The following ROBO2 variants were observed in gnomAD, a reference collection of about 807,000 sequenced individuals.
ROBO2 encodes roundabout homolog 2.
A neutral mutation model predicts 160.8 loss-of-function variants in ROBO2; 53 were observed. That is an observed-to-expected ratio of 0.33 (90% CI 0.26 to 0.41). ROBO2 has a LOEUF of 0.41. Ranked by LOEUF, ROBO2 falls within the 10% of genes least tolerant of loss-of-function variation. ROBO2 has a pLI of 1.00. For missense variants in ROBO2, 1,577 were observed against 1,722.4 expected (o/e 0.92, Z 1.49); for synonymous variants, 664 against 611.7 (o/e 1.09, Z -1.26).
intron 2 of ROBO2, among the ~76,000 whole-genome samples, chr3:77,219,846 A>C (rs1000067304): frequency 1.3e-5 from 2 of 151,618 alleles, no homozygotes; most frequent in African/African-American, 4.9e-5. Flanking sequence ...GAAATTACAT[A>C]ATCTTAAAAA....
At chr3:77,445,784 G>GT (rs66551785) in intron 2 of ROBO2, among the ~76,000 whole-genome samples, 173 of 107,744 alleles carry the variant, frequency 1.6e-3, no homozygotes, top group Middle Eastern at 5.9e-3. Flanking sequence ...CAATTAAAAG[G>GT]TTTTTTTTTG....
intron 2 of ROBO2, among the ~76,000 whole-genome samples, chr3:76,530,006 G>A (rs1361320975): frequency 1.3e-5 from 2 of 152,040 alleles, no homozygotes; most frequent in African/African-American, 4.8e-5. Flanking sequence ...CTTCTATTCT[G>A]TGTCCTTTTA....
At position 75,951,162 on chromosome 3, in the gene ROBO2, G is replaced by A. The variant is rs189608346; in HGVS notation, c.109+13560G>A. ...TCCCCAATTTATCCCCCCTGTATGC[G>A]TGTATCAAAACATCACATGTGACCA... On this transcript the variant is annotated intron_variant, in intron 2 of 26. Coordinates refer to the ROBO2 transcript ENST00000487694. Among the ~76,000 whole-genome samples the A allele has an allele frequency of 1.2e-4, 18 of 151,956 alleles. No homozygotes were observed. The East Asian group carries it at 1.9e-3, about 16-fold the overall frequency.
chr3:76,949,003 G>A (rs1462414300), intron 2 of ROBO2, among the ~76,000 whole-genome samples: 56 of 143,628 alleles, frequency 3.9e-4, no homozygotes, highest in African/African-American at 1.4e-3. Flanking sequence ...CACCCGCCTC[G>A]GCCTCCCAAA....
chr3:76,907,823 GGTGTGTGTGTGTGTGTGTGT>G (rs71104638), intron 2 of ROBO2, among the ~76,000 whole-genome samples: 1 of 145,430 alleles, frequency 6.9e-6, no homozygotes, highest in Admixed American at 6.8e-5. Flanking sequence ...GTTTGTTTGG[GGTGTGTGTGTGTGTGTGTGT>G]GTGTGTGTGT....
At position 77,219,809 on chromosome 3, in the gene ROBO2, C is replaced by T. The variant is rs535348897; in HGVS notation, c.388+121469C>T. 5.3e-5 allele frequency among the ~76,000 whole-genome samples: 8 copies of T among 151,616 alleles called. 1 individual carries two copies. The South Asian group carries it at 1.7e-3, about 32-fold the overall frequency. On this transcript the variant is annotated intron_variant, in intron 2 of 25. Transcript: ENST00000461745. Reference sequence around the variant, plus strand: ...AATTTCAGTCCATATCAAAAATCCACATTGTGTAGAAAATTTGTAGATCTT... The same window carrying T: ...AATTTCAGTCCATATCAAAAATCCATATTGTGTAGAAAATTTGTAGATCTT...
chr3:76,330,508 GA>G (rs2073401027), intron 2 of ROBO2, among the ~76,000 whole-genome samples: 1 of 152,084 alleles, frequency 6.6e-6, no homozygotes, highest in Non-Finnish European at 1.5e-5. Flanking sequence ...AAGTGGTAAG[GA>G]ATTTTTCCCC....
At chr3:76,779,437 T>C (rs1315999286) in intron 2 of ROBO2, among the ~76,000 whole-genome samples, 1 of 150,880 alleles carries the variant, frequency 6.6e-6, no homozygotes, top group East Asian at 2.0e-4. Context: ...ACTGTGCTAG[T>C]AGTAGATCTC....
intron 2 of ROBO2, among the ~76,000 whole-genome samples, chr3:76,354,190 G>C (rs916798191): frequency 6.6e-6 from 1 of 151,890 alleles, no homozygotes; most frequent in Non-Finnish European, 1.5e-5. Context: ...GACAAAAACT[G>C]AGCAGTTCAT....
At position 77,070,148 on chromosome 3, in the gene ROBO2, A is replaced by G. The variant is rs140342000; in HGVS notation, c.62-27866A>G. Among the ~76,000 whole-genome samples, 30 of 152,250 alleles carry G rather than the reference A, an allele frequency of 2.0e-4. No homozygotes were observed. The East Asian group carries it at 5.6e-3, about 29-fold the overall frequency. Reference sequence around the variant, plus strand: ...AGCCCCCAGAAGCTGGGAGGAGTGGATGGAAGAGATTCTTCCTCCTGTTCA... The same window carrying G: ...AGCCCCCAGAAGCTGGGAGGAGTGGGTGGAAGAGATTCTTCCTCCTGTTCA... On this transcript the variant is annotated intron_variant, in intron 1 of 25. Transcript: ENST00000461745.
chr3:77,076,213 A>G (rs1359073953), intron 1 of ROBO2, among the ~76,000 whole-genome samples: 2 of 152,128 alleles, frequency 1.3e-5, no homozygotes. Context: ...TAAAGTATAT[A>G]AATTCTGTAT....
intron 2 of ROBO2, among the ~76,000 whole-genome samples, chr3:76,543,601 G>A (rs538229315): frequency 2.1e-4 from 32 of 152,184 alleles, no homozygotes; most frequent in South Asian, 6.2e-4. Context: ...TATAACTGCG[G>A]CAAATTATTT....
chr3:76,224,877 A>C (rs972376500), intron 2 of ROBO2, among the ~76,000 whole-genome samples: 3 of 152,114 alleles, frequency 2.0e-5, no homozygotes, highest in South Asian at 2.1e-4. Context: ...GCACAATCTC[A>C]TTTCCCCCTT....
intron 1 of ROBO2, among the ~76,000 whole-genome samples, chr3:75,913,143 A>G (rs1946668739): frequency 6.6e-6 from 1 of 151,864 alleles, no homozygotes; most frequent in Non-Finnish European, 1.5e-5. Flanking sequence ...TCTTTTACCC[A>G]TTCCTCCATT....
intron 2 of ROBO2, among the ~76,000 whole-genome samples, chr3:77,231,390 C>A (rs1308137668): frequency 1.9e-4 from 26 of 136,038 alleles, no homozygotes; most frequent in South Asian, 2.4e-4. Flanking sequence ...AAAAAAGACA[C>A]TAAGCTAAAA....
chr3:76,600,326 T>C (rs778616879), intron 2 of ROBO2, among the ~76,000 whole-genome samples: 5 of 152,218 alleles, frequency 3.3e-5, no homozygotes, highest in African/African-American at 4.8e-5. Flanking sequence ...GAATAACAGA[T>C]TTTTTTAAAC....
intron 2 of ROBO2, among the ~76,000 whole-genome samples, chr3:76,070,583 G>C (rs553302292): frequency 6.6e-6 from 1 of 152,230 alleles, no homozygotes; most frequent in East Asian, 1.9e-4. Flanking sequence ...CATTTGCCTT[G>C]TGATATTCTA....
intron 2 of ROBO2, among the ~76,000 whole-genome samples, chr3:76,742,297 A>G (rs1560480580): frequency 1.3e-5 from 2 of 152,170 alleles, no homozygotes; most frequent in Non-Finnish European, 2.9e-5. Flanking sequence ...CAATGATTAA[A>G]TCTCTGTCAG....
intron 16 of ROBO2, among the ~76,000 whole-genome samples, chr3:77,581,492 T>G (rs1176959256): frequency 6.6e-6 from 1 of 152,114 alleles, no homozygotes; most frequent in Non-Finnish European, 1.5e-5. Context: ...GGAATGAGGC[T>G]TATTTATTTC....
Sources: gnomAD v4.1 joint callset for allele counts (sites outside exome capture counted in the v4.1 genomes callset) on GRCh38, gnomAD v4.1.1 for gene constraint, MANE v1.5 for transcripts, NCBI Gene and HGNC (gene_info 2026-07-23, HGNC 2026-07-21) for gene names.